The following RAD21 variants were observed in gnomAD, a reference collection of about 807,000 sequenced individuals.
RAD21 encodes the protein RAD21 cohesin complex component, also known as double-strand-break repair protein rad21 homolog.
RAD21 carries 18 observed loss-of-function variants against 71.5 expected under a neutral mutation model. The ratio of observed to expected loss-of-function variants is 0.25; its 90% CI spans 0.17 to 0.37. RAD21 has a LOEUF of 0.37. Ranked by LOEUF, RAD21 falls within the 10% of genes least tolerant of loss-of-function variation. RAD21 has a pLI of 1.00. For missense variants in RAD21, 493 were observed against 769.1 expected (o/e 0.64, Z 4.25); for synonymous variants, 248 against 254.0 (o/e 0.98, Z 0.22).
At chr8:116,871,348 C>T (rs1179047131) in intron 1 of RAD21, among the ~76,000 whole-genome samples, 3 of 152,020 alleles carry the variant, frequency 2.0e-5, no homozygotes, top group African/African-American at 7.3e-5. Flanking sequence ...TTTTCTAAAG[C>T]GGCAAGCAGT....
chr8:116,863,155 A>T lies in RAD21; in HGVS notation c.249T>A (p.Ile83=). 1.2e-6 allele frequency: 2 copies of T among 1,607,186 alleles called. No homozygotes were observed. The highest frequency in any genetic ancestry group is 1.7e-6 in the Non-Finnish European group (2 of 1,175,214). Residue 83 remains isoleucine, a synonymous_variant, in exon 3 of 14, where the codon ATT becomes ATA. Coordinates refer to ENST00000297338, the MANE Select transcript of RAD21 (RefSeq NM_006265.3). ...CTGGCCGAAAAGCCATCTTTATCTT[A>T]ATGAATGCTTCATTACAGTCTGCAA... is the stretch of plus-strand genomic sequence containing the variant. ...YLLADCNEAF[I]KIKMAFRPGV...
chr8:116,856,658 C>G lies in RAD21; in HGVS notation c.802G>C (p.Asp268His), dbSNP rs1328158535. Residue 268 changes from aspartate (D) to histidine (H), a missense_variant, in exon 7 of 14, where the codon GAT becomes CAT. Asp to His is a moderately conservative substitution (Grantham distance 81, BLOSUM62 -1). Around this residue, in one of 5 missense-constraint regions of RAD21, gnomAD observed 165 missense variants for 229.6 expected, o/e 0.72. Transcript: ENST00000297338. Reference protein sequence around the residue: ...QPAHDDMDEDDNVSMGGPDSP... With the variant: ...QPAHDDMDEDHNVSMGGPDSP... ...ATGAAATGCTTACTTGATACATTAT[C>G]ATCCTCATCCATATCGTCATGTGCA... is the stretch of plus-strand genomic sequence containing the variant. 6.3e-7 allele frequency: 1 copy of G among 1,594,414 alleles called. No homozygotes were observed. Among genetic ancestry groups the G allele is most frequent in the South Asian group, 1.1e-5 (1 of 87,974 alleles).
rs1402105055 is a variant in RAD21 at position 116,850,673 on chromosome 8, A to G, written c.1565T>C (p.Leu522Pro). ...ICQLIPELEL[L>P]PEKEKEKEKE... ...CTCTTTCTCCTTCTCTTTTTCTGGC[A>G]GAAGTTCTAACTCTGGTATTAGCTG... Residue 522 changes from leucine (L) to proline (P), a missense_variant, in exon 12 of 14, where the codon CTG (leucine) becomes CCG (proline). Physicochemically the swap from Leu to Pro is moderately conservative, Grantham distance 98. Around this residue, in one of 5 missense-constraint regions of RAD21, gnomAD observed 225 missense variants for 218.3 expected, o/e 1.03. Coordinates refer to ENST00000297338, the MANE Select transcript of RAD21 (RefSeq NM_006265.3). 6 of 1,612,578 alleles carry G rather than the reference A, an allele frequency of 3.7e-6. No homozygotes were observed. In the South Asian group the frequency reaches 6.6e-5, roughly 18 times the overall value.
rs577888288 is a variant in RAD21, at chr8:116,853,325, C to T, written c.1162-617G>A. On this transcript the variant is annotated intron_variant, in intron 9 of 13. Transcript: ENST00000297338. The stretch of plus-strand genomic sequence containing the variant: ...AACTCCTGACCTCAAGTGATCCACT[C>T]GCCTCAGCCTCCCAAAGTGCTGGGA... 1.2e-3 allele frequency among the ~76,000 whole-genome samples: 190 copies of T among 152,248 alleles called. 2 individuals carry two copies. The highest frequency in any genetic ancestry group is 6.8e-3 in the Middle Eastern group (2 of 294).
In RAD21 at chr8:116,856,196, C is replaced by CT. The variant is rs750866126; in HGVS notation, c.906dup (p.Ala303SerfsTer8). On this transcript the variant is annotated frameshift_variant, in exon 8 of 14. Coordinates refer to ENST00000297338, the MANE Select transcript of RAD21 (RefSeq NM_006265.3). LOFTEE classifies it high-confidence loss of function. ...ATATCAATAGGCTCCAATGCAAATG[C>CT]TTCTTCCTCATTTGGAACAAGTGTT... 6.2e-7 allele frequency: 1 copy of CT among 1,607,424 alleles called. No homozygotes were observed. Among genetic ancestry groups the CT allele is most frequent in the Non-Finnish European group, 8.5e-7 (1 of 1,177,522 alleles).
chr8:116,861,826 AAAG>A lies in RAD21; in HGVS notation c.374+12_374+14del. 1 of 1,588,526 alleles carries A rather than the reference AAAG, an allele frequency of 6.3e-7. No homozygotes were observed. Among genetic ancestry groups the A allele is most frequent in the Non-Finnish European group, 8.6e-7 (1 of 1,158,290 alleles). On this transcript the variant is annotated intron_variant, in intron 4 of 13. Coordinates refer to ENST00000297338, the MANE Select transcript of RAD21 (RefSeq NM_006265.3). ...CAGACCAAGTCAACAATTTTTTTTA[AAAG>A]AAGACACATACTCTAAGTCAGGCAG...
At position 116,856,291 on chromosome 8, in the gene RAD21, GTA is replaced by G. The variant is rs1812462548; in HGVS notation, c.815-5_815-4del. The stretch of plus-strand genomic sequence containing the variant: ...ATCAGGACTATCAGGCCCACCCACT[GTA>G]AAAAAAAAAAAAAAAAAAAAAAGTC... On this transcript the variant is annotated splice_polypyrimidine_tract_variant and splice_region_variant and intron_variant, in intron 7 of 13. Transcript: ENST00000297338. The G allele has an allele frequency of 2.6e-6, 2 of 761,766 alleles. No individual in the cohort carries two copies. Among genetic ancestry groups the G allele is most frequent in the South Asian group, 3.2e-5 (1 of 31,068 alleles). The allele number at this position is 761,766 out of a possible 1,614,324, so 47.2% of individuals were successfully genotyped here.
chr8:116,848,053 G>T (rs1812280517), intron 13 of RAD21, among the ~76,000 whole-genome samples: 1 of 152,214 alleles, frequency 6.6e-6, no homozygotes, highest in African/African-American at 2.4e-5. Context: ...ACCAGAAGCA[G>T]ATGCTGGTGC....
intron 12 of RAD21, among the ~76,000 whole-genome samples, chr8:116,849,938 TTTTAAA>T (rs1812314601): frequency 6.6e-6 from 1 of 152,118 alleles, no homozygotes; most frequent in Non-Finnish European, 1.5e-5. Flanking sequence ...GGACACCTTA[TTTTAAA>T]TTTAAAGGTT....
intron 13 of RAD21, among the ~76,000 whole-genome samples, chr8:116,848,006 T>C (rs896207170): frequency 2.6e-5 from 4 of 152,184 alleles, no homozygotes; most frequent in Non-Finnish European, 5.9e-5. Flanking sequence ...TGCTCCCCCT[T>C]TGCCTTCCAC....
At chr8:116,857,229 A>T (rs1327142885) in intron 6 of RAD21, 38 bp downstream of exon 6, 1 of 1,553,972 alleles carries the variant, frequency 6.4e-7, no homozygotes, top group East Asian at 2.3e-5. Context: ...TAATAAAGAA[A>T]TTCTGTTTAT....
chr8:116,870,180 C>T (rs866689929), intron 1 of RAD21, among the ~76,000 whole-genome samples: 1 of 152,098 alleles, frequency 6.6e-6, no homozygotes, highest in South Asian at 2.1e-4. Flanking sequence ...AAAAACCAGG[C>T]TTTGTCAACT....
At chr8:116,865,750 TTTTC>T (rs1404175628) in intron 2 of RAD21, among the ~76,000 whole-genome samples, 61 of 152,248 alleles carry the variant, frequency 4.0e-4, no homozygotes, top group African/African-American at 1.3e-3. Context: ...TGTACACAAG[TTTTC>T]TTTGTGTATA....
At chr8:116,867,997 T>C (rs1330372181) in intron 1 of RAD21, among the ~76,000 whole-genome samples, 4 of 152,186 alleles carry the variant, frequency 2.6e-5, no homozygotes, top group Non-Finnish European at 5.9e-5. Context: ...CTCTCTGCCA[T>C]TTCTAAGTCT....
At chr8:116,873,720 G>A (rs1812894749) in intron 1 of RAD21, among the ~76,000 whole-genome samples, 1 of 151,610 alleles carries the variant, frequency 6.6e-6, no homozygotes, top group Non-Finnish European at 1.5e-5. Flanking sequence ...ATTTGAAGAA[G>A]GCCGCTAAGT....
intron 2 of RAD21, among the ~76,000 whole-genome samples, chr8:116,863,988 A>C (rs1787715396): frequency 6.6e-6 from 1 of 152,086 alleles, no homozygotes; most frequent in African/African-American, 2.4e-5. Context: ...ATTGGAAAGC[A>C]TACCGATTTA....
At chr8:116,872,523 G>GAT (rs1003032659) in intron 1 of RAD21, among the ~76,000 whole-genome samples, 202 of 141,442 alleles carry the variant, frequency 1.4e-3, no homozygotes, top group Non-Finnish European at 2.3e-3. Flanking sequence ...TGTACTGTTT[G>GAT]ATATATATAT....
chr8:116,846,984 G>A lies in RAD21; in HGVS notation c.*516C>T, dbSNP rs1232702389. The A allele has an allele frequency of 9.2e-6, 2 of 218,128 alleles. No individual in the cohort carries two copies. Among genetic ancestry groups the A allele is most frequent in the African/African-American group, 4.5e-5 (2 of 44,538 alleles). 13.5% of individuals were successfully genotyped at this position (218,128 alleles called of 1,614,324 possible). On this transcript the variant is annotated 3_prime_UTR_variant, in exon 14 of 14. Coordinates refer to ENST00000297338, the MANE Select transcript of RAD21 (RefSeq NM_006265.3). Reference sequence around the variant, plus strand: ...ATTACACTTAAAACGAATCTCAAGAGGGTGACCATTGTTGTTTCAGATACC... The same window carrying A: ...ATTACACTTAAAACGAATCTCAAGAAGGTGACCATTGTTGTTTCAGATACC...
At chr8:116,868,250 G>A (rs1812737756) in intron 1 of RAD21, among the ~76,000 whole-genome samples, 1 of 152,160 alleles carries the variant, frequency 6.6e-6, no homozygotes, top group Admixed American at 6.5e-5. Context: ...TGAATCATAT[G>A]GTATGTGACT....
Sources: allele counts gnomAD v4.1 joint callset (sites outside exome capture counted in the v4.1 genomes callset), GRCh38; gene constraint gnomAD v4.1.1; regional missense constraint gnomAD v4.1.1; transcripts MANE v1.5; gene names NCBI Gene and HGNC (gene_info 2026-07-23, HGNC 2026-07-21).